The following COQ10B variants were observed in gnomAD, a reference collection of about 807,000 sequenced individuals.
COQ10B encodes coenzyme Q-binding protein COQ10 homolog B, mitochondrial.
Under a neutral mutation model 27.6 loss-of-function variants are expected in COQ10B, and 12 were observed. That is an observed-to-expected ratio of 0.43 (90% CI 0.28 to 0.70). The LOEUF is 0.70. COQ10B is among the 30% of genes least tolerant of loss of function. The pLI is 0.17. For synonymous variants in COQ10B, 115 were observed against 103.0 expected, an observed-to-expected ratio of 1.12 and a Z score of -0.71; for missense variants, 278 against 288.7, an observed-to-expected ratio of 0.96 and a Z score of 0.27.
chr2:197,458,816 G>C (rs1328751267), intron 1 of COQ10B, among the ~76,000 whole-genome samples: 1 of 151,872 alleles, frequency 6.6e-6, no homozygotes, highest in African/African-American at 2.4e-5. Flanking sequence ...GAGTAGCTGG[G>C]ACTACAGGCG....
intron 3 of COQ10B, among the ~76,000 whole-genome samples, chr2:197,469,720 T>C (rs1004025149): frequency 1.3e-5 from 2 of 152,192 alleles, no homozygotes; most frequent in African/African-American, 4.8e-5. Context: ...GTATGGGGAT[T>C]TAACTTGTTC....
rs140275435 is a variant in COQ10B at position 197,462,737 on chromosome 2, A to G, written c.447+6A>G. The G allele has an allele frequency of 8.2e-4, 1,213 of 1,482,466 alleles. 6 individuals are homozygous for G. The African/African-American group carries it at 0.015, about 18-fold the overall frequency. The allele number at this position is 1,482,466 out of a possible 1,614,324, so 91.8% of individuals were successfully genotyped here. A position where few individuals can be genotyped will look rare whatever the true frequency, so the allele number is the denominator to read the frequency against. On this transcript the variant is annotated splice_donor_region_variant and intron_variant, in intron 3 of 4. Coordinates refer to ENST00000263960, the MANE Select transcript of COQ10B (RefSeq NM_025147.5). The stretch of plus-strand genomic sequence containing the variant: ...TGAAACCTCATTTAGTAAAGGTAAC[A>G]GTTTTGTTTTTTGTTGTTTTTAAAT...
At chr2:197,473,394 C>G (rs1215819715) in intron 4 of COQ10B, among the ~76,000 whole-genome samples, 2 of 121,694 alleles carry the variant, frequency 1.6e-5, no homozygotes, top group South Asian at 2.5e-4. Flanking sequence ...TCTCTACGCC[C>G]CCCCCCACAA....
Position 197,473,918 on chromosome 2 carries a change from C to T in COQ10B, c.711C>T (p.His237=). Residue 237 remains histidine (H), a synonymous_variant, in exon 5 of 5, where the codon CAC becomes CAT. Transcript: ENST00000263960. ...AGTTAATGCTTCATGAAGTCCATCA[C>T]ACATAAAGGCAAAAAAGAACTGGTG... is the stretch of plus-strand genomic sequence containing the variant. The part of the protein sequence containing the change: ...PRELMLHEVH[H]T 3 of 1,498,220 alleles carry T rather than the reference C, an allele frequency of 2.0e-6. No individual in the cohort carries two copies. Among genetic ancestry groups the T allele is most frequent in the Non-Finnish European group, 2.7e-6 (3 of 1,115,826 alleles). 92.8% of individuals were successfully genotyped at this position (1,498,220 alleles called of 1,614,324 possible).
chr2:197,470,295 A>G (rs568200761), intron 4 of COQ10B, 124 bp downstream of exon 4: 1 of 585,084 alleles, frequency 1.7e-6, no homozygotes, highest in South Asian at 2.3e-5. Flanking sequence ...ATGCTAATGA[A>G]CATTTCTTTT....
chr2:197,473,691 A>C, intron 4 of COQ10B, 66 bp from the exon 5 acceptor site: 1 of 1,209,282 alleles, frequency 8.3e-7, no homozygotes, highest in East Asian at 2.8e-5. Context: ...CTCTCCAGGA[A>C]AACCAAAAAA....
chr2:197,462,837 G>A (rs2085776551), intron 3 of COQ10B, 106 bp downstream of exon 3: 3 of 607,360 alleles, frequency 4.9e-6, no homozygotes, highest in African/African-American at 1.9e-5. Context: ...CCTAACAGGA[G>A]GAGGGTAAAA....
Position 197,462,731 on chromosome 2 carries a change from G to A in COQ10B, c.447G>A (p.Lys149=). ...VVTLVKPHLV[K]ASCTDGRLFN... is the part of the protein sequence containing the mutation. ...CCTTGGTGAAACCTCATTTAGTAAA[G>A]GTAACAGTTTTGTTTTTTGTTGTTT... The change falls in exon 3 of 5, where the codon AAG becomes AAA. Residue 149 remains lysine (K), a splice_region_variant and synonymous_variant. Transcript: ENST00000263960. 1 of 1,484,504 alleles carries A rather than the reference G, an allele frequency of 6.7e-7. No homozygotes were observed. The highest frequency in any genetic ancestry group is 2.6e-5 in the East Asian group (1 of 39,198). The allele number at this position is 1,484,504 out of a possible 1,614,324, so 92.0% of individuals were successfully genotyped here. A position where few individuals can be genotyped will look rare whatever the true frequency, so the allele number is the denominator to read the frequency against.
Position 197,470,176 on chromosome 2 carries a change from G to A in COQ10B, c.549+5G>A. 1 of 1,558,456 alleles carries A rather than the reference G, an allele frequency of 6.4e-7. No individual in the cohort carries two copies. Among genetic ancestry groups the A allele is most frequent in the South Asian group, 1.1e-5 (1 of 89,276 alleles). ...ACTTGTACCTTGGATTTTTCAGTAA[G>A]TCTCATAAAGCCCTTGATTTGTTCC... On this transcript the variant is annotated splice_donor_5th_base_variant and intron_variant, in intron 4 of 4. Transcript: ENST00000263960.
chr2:197,470,711 A>G (rs1259197337), intron 4 of COQ10B, among the ~76,000 whole-genome samples: 1 of 152,160 alleles, frequency 6.6e-6, no homozygotes, highest in East Asian at 1.9e-4. Context: ...CCTGACCAAT[A>G]TCATGAAACC....
chr2:197,470,286 T>C lies in COQ10B; in HGVS notation c.549+115T>C, dbSNP rs545733452. 4.7e-3 allele frequency: 2,810 copies of C among 603,290 alleles called. 27 individuals are homozygous for C. Among genetic ancestry groups the C allele is most frequent in the South Asian group, 0.011 (536 of 47,070 alleles). The allele number at this position is 603,290 out of a possible 1,614,324, so 37.4% of individuals were successfully genotyped here. ...TATTGAATACCTTTTTCTGCATAAA[T>C]GCTAATGAACATTTCTTTTTTATTC... On this transcript the variant is annotated intron_variant, in intron 4 of 4. Coordinates refer to ENST00000263960, the MANE Select transcript of COQ10B (RefSeq NM_025147.5).
intron 4 of COQ10B, 73 bp downstream of exon 4, chr2:197,470,244 C>T (rs2085864752): frequency 1.3e-6 from 1 of 782,330 alleles, no homozygotes; most frequent in South Asian, 1.6e-5. Context: ...TTTTTTAGAA[C>T]ACAGAGGCCA....
At chr2:197,454,057 C>T in intron 1 of COQ10B, 1 of 1,551,202 alleles carries the variant, frequency 6.4e-7, no homozygotes, top group Non-Finnish European at 8.7e-7. Flanking sequence ...GCGGTGAGCC[C>T]CCTTCTCCGG....
At chr2:197,458,632 T>A (rs1274229892) in intron 1 of COQ10B, among the ~76,000 whole-genome samples, 1 of 152,062 alleles carries the variant, frequency 6.6e-6, no homozygotes, top group Non-Finnish European at 1.5e-5. Flanking sequence ...ACTAAATGAC[T>A]AGTAGTGTCA....
Position 197,454,045 on chromosome 2 carries a change from TG to T in COQ10B, c.104+383del, listed in dbSNP as rs1559289749. 1.9e-6 allele frequency: 3 copies of T among 1,551,254 alleles called. No homozygotes were observed. The Admixed American group carries it at 5.9e-5, about 30-fold the overall frequency. ...TGCTGGCTGTATGGGAGTTTGTGTT[TG>T]GCGGTGAGCCCCCTTCTCCGGTTCC... is the stretch of plus-strand genomic sequence containing the variant. On this transcript the variant is annotated intron_variant, in intron 1 of 4. Coordinates refer to ENST00000263960, the MANE Select transcript of COQ10B (RefSeq NM_025147.5).
chr2:197,473,476 A>G (rs1321073101), intron 4 of COQ10B, among the ~76,000 whole-genome samples: 1 of 141,292 alleles, frequency 7.1e-6, no homozygotes, highest in Admixed American at 7.3e-5. Context: ...GTATATATAC[A>G]CGTATATATA....
intron 1 of COQ10B, among the ~76,000 whole-genome samples, chr2:197,457,371 A>G (rs2085710949): frequency 6.6e-6 from 1 of 152,208 alleles, no homozygotes; most frequent in Admixed American, 6.5e-5. Context: ...GTTTGAGATG[A>G]TGGATGTGTT....
At chr2:197,456,113 A>G (rs980589799) in intron 1 of COQ10B, among the ~76,000 whole-genome samples, 2 of 152,186 alleles carry the variant, frequency 1.3e-5, no homozygotes, top group Non-Finnish European at 2.9e-5. Context: ...GTTAAATGAA[A>G]TAAGCCAGGA....
At chr2:197,467,535 G>C (rs1434036131) in intron 3 of COQ10B, among the ~76,000 whole-genome samples, 1 of 152,032 alleles carries the variant, frequency 6.6e-6, no homozygotes, top group African/African-American at 2.4e-5. Flanking sequence ...GCGCCACCAC[G>C]CCCAGCTAAT....
Sources: gnomAD v4.1 joint callset for allele counts (sites outside exome capture counted in the v4.1 genomes callset) on GRCh38, gnomAD v4.1.1 for gene constraint, MANE v1.5 for transcripts, NCBI Gene and HGNC (gene_info 2026-07-23, HGNC 2026-07-21) for gene names.